The following HMCN2 variants were observed in gnomAD, a reference collection of about 807,000 sequenced individuals.
HMCN2 encodes the protein hemicentin-2.
A neutral mutation model predicts 377.5 loss-of-function variants in HMCN2; 325 were observed. The ratio of observed to expected loss-of-function variants is 0.86; its 90% CI spans 0.79 to 0.94. The LOEUF (loss-of-function observed/expected upper bound fraction) is 0.94. HMCN2 is among the 40% of genes least tolerant of loss of function. HMCN2 has a pLI of 0.00. For missense variants in HMCN2, 4,543 were observed against 4,725.3 expected (o/e 0.96, Z 1.13); for synonymous variants, 2,007 against 2,046.8 (o/e 0.98, Z 0.53).
chr9:130,411,710 G>A (rs4740391), intron 85 of HMCN2, among the ~76,000 whole-genome samples: 131,734 of 151,980 alleles, frequency 0.87, 57,586 homozygotes, highest in East Asian at 1. Context: ...CGGTCACAAA[G>A]AAACAAACAC....
rs376277512 is a variant in HMCN2, at chr9:130,433,605, G to C, written c.15152G>C (p.Gly5051Ala). Residue 5051 changes from glycine to alanine, a missense_variant, in exon 98 of 98, where the codon GGC becomes GCC. By Grantham distance (60) the Gly-to-Ala change is moderately conservative. This residue lies in a region of HMCN2 where 1,155 missense variants were observed against 1,157.7 expected (regional missense o/e 1.00). Coordinates refer to ENST00000683500, the MANE Select transcript of HMCN2 (RefSeq NM_001291815.2). Reference sequence around the variant, plus strand: ...ACCCGTCGCGCGCTCACCCGCGCCGGCCTCTACCGGCTCACCGTGCGTGCT... The same window carrying C: ...ACCCGTCGCGCGCTCACCCGCGCCGCCCTCTACCGGCTCACCGTGCGTGCT... ...VYTRRALTRA[G>A]LYRLTVRAAA... is the part of the protein sequence containing the mutation. 3 of 1,516,310 alleles carry C rather than the reference G, an allele frequency of 2.0e-6. No individual in the cohort carries two copies. Among genetic ancestry groups the C allele is most frequent in the East Asian group, 2.7e-5 (1 of 36,512 alleles). 93.9% of individuals were successfully genotyped at this position (1,516,310 alleles called of 1,614,324 possible).
chr9:130,332,750 G>T (rs1294617783), intron 22 of HMCN2, among the ~76,000 whole-genome samples: 2 of 152,228 alleles, frequency 1.3e-5, no homozygotes, highest in African/African-American at 4.8e-5. Flanking sequence ...AGTTGGGGCA[G>T]TGGTTTCCGG....
intron 25 of HMCN2, among the ~76,000 whole-genome samples, chr9:130,345,170 GTGTA>G (rs1248770573): frequency 2.3e-3 from 347 of 148,554 alleles, no homozygotes; most frequent in Non-Finnish European, 3.3e-3. Flanking sequence ...TGTGTGGTGT[GTGTA>G]TGGTGGTGTG....
At position 130,362,009 on chromosome 9, in the gene HMCN2, G is replaced by A; in HGVS notation, c.5952G>A (p.Val1984=). 2 of 986,086 alleles carry A rather than the reference G, an allele frequency of 2.0e-6. No homozygotes were observed. The highest frequency in any genetic ancestry group is 2.4e-6 in the Non-Finnish European group (2 of 830,114). The allele number at this position is 986,086 out of a possible 1,614,324, so 61.1% of individuals were successfully genotyped here. ...TELRYGLRVN[V]PPRITLPPSL... Reference sequence around the variant, plus strand: ...CCCCATGTCACCCCTGCCCTGCAGTGCCCCCTCGAATCACACTGCCACCCA... The same window carrying A: ...CCCCATGTCACCCCTGCCCTGCAGTACCCCCTCGAATCACACTGCCACCCA... The change falls in exon 39 of 98, where the codon GTG becomes GTA. Residue 1984 remains valine, a splice_region_variant and synonymous_variant. Transcript: ENST00000683500.
chr9:130,363,926 A>AAG (rs34079421), intron 40 of HMCN2, among the ~76,000 whole-genome samples: 116,310 of 146,194 alleles, frequency 0.8, 48,249 homozygotes, highest in East Asian at 0.93. Flanking sequence ...AGAAAGGAAA[A>AAG]AGAGAAGGAA....
rs1255051725 is a variant in HMCN2, at chr9:130,361,823, G to A, written c.5951-185G>A. ...GTTTCCCATCTATAGAAGCCTCATG[G>A]TGGTGTTGAAAGGATGGAAGTAGCA... is the stretch of plus-strand genomic sequence containing the variant. On this transcript the variant is annotated intron_variant, in intron 38 of 97. Transcript: ENST00000683500. This position sits in a 1 kb window ranked among gnomAD's most constrained non-coding sequence, Gnocchi z 4.8. Among the ~76,000 whole-genome samples the A allele has an allele frequency of 6.6e-6, 1 of 152,208 alleles. No homozygotes were observed. Among genetic ancestry groups the A allele is most frequent in the African/African-American group, 2.4e-5 (1 of 41,452 alleles).
At chr9:130,322,691 C>G (rs977169879) in intron 19 of HMCN2, among the ~76,000 whole-genome samples, 46 of 152,244 alleles carry the variant, frequency 3.0e-4, no homozygotes, top group Middle Eastern at 3.4e-3. Context: ...TAGGATAAAC[C>G]CATTAATGTG....
chr9:130,397,606 A>G lies in HMCN2; in HGVS notation c.11277A>G (p.Ala3759=), dbSNP rs1177961163. The G allele has an allele frequency of 1.4e-5, 18 of 1,289,732 alleles. No individual in the cohort carries two copies. Among genetic ancestry groups the G allele is most frequent in the Non-Finnish European group, 1.6e-5 (16 of 988,896 alleles). 79.9% of individuals were successfully genotyped at this position (1,289,732 alleles called of 1,614,324 possible). Residue 3759 remains alanine, a synonymous_variant, in exon 74 of 98, where the codon GCA becomes GCG. Transcript: ENST00000683500. ...ACGCCGGCCACTACCTCTGCCTGGC[A>G]TCCAACTCTGCTGGCTCCGATCGTC... ...AQDAGHYLCL[A]SNSAGSDRQG...
At chr9:130,382,645 GCCA>G in intron 55 of HMCN2, 31 bp from the exon 56 acceptor site, 10 of 775,176 alleles carry the variant, frequency 1.3e-5, no homozygotes, top group Non-Finnish European at 1.6e-5. Context: ...AGGGACCTGT[GCCA>G]GCCCCTCAGC....
In HMCN2 at chr9:130,265,827, A is replaced by G. The variant is rs905031493; in HGVS notation, c.-52A>G. The G allele has an allele frequency of 3.2e-6, 1 of 308,112 alleles. No homozygotes were observed. The highest frequency in any genetic ancestry group is 6.2e-6 in the Non-Finnish European group (1 of 160,468). The allele number at this position is 308,112 out of a possible 1,614,324, so 19.1% of individuals were successfully genotyped here. ...GCCGTGTGCACCGGGGCGGCCGGCTAGCTCCGACCTGCGCCTCCACCGCAG... is the reference window on the plus strand; with the variant it reads ...GCCGTGTGCACCGGGGCGGCCGGCTGGCTCCGACCTGCGCCTCCACCGCAG... On this transcript the variant is annotated 5_prime_UTR_variant, in exon 1 of 98. Transcript: ENST00000683500.
chr9:130,381,528 C>T lies in HMCN2; in HGVS notation c.8432-656C>T, dbSNP rs181711225. 2.6e-4 allele frequency among the ~76,000 whole-genome samples: 39 copies of T among 152,244 alleles called. 1 individual carries two copies. Among genetic ancestry groups the T allele is most frequent in the African/African-American group, 6.7e-4 (28 of 41,554 alleles). On this transcript the variant is annotated intron_variant, in intron 54 of 97. Transcript: ENST00000683500. ...GGATTGCAGGTGTGCACCACCACACCCGGGGAATTTTTGTATTTTTAGTAG... is the reference window on the plus strand; with the variant it reads ...GGATTGCAGGTGTGCACCACCACACTCGGGGAATTTTTGTATTTTTAGTAG...
chr9:130,352,333 C>T (rs919084768), intron 30 of HMCN2, among the ~76,000 whole-genome samples: 1 of 152,218 alleles, frequency 6.6e-6, no homozygotes, highest in Non-Finnish European at 1.5e-5. Flanking sequence ...GGCGTGGACT[C>T]CGCAGAGGGC....
intron 3 of HMCN2, 47 bp downstream of exon 3, chr9:130,285,363 C>T (rs1554927336): frequency 2.1e-6 from 1 of 465,780 alleles, no homozygotes; most frequent in South Asian, 1.6e-5. Context: ...CCCCGGGGGT[C>T]CCGAGGAAGC....
chr9:130,297,041 C>T (rs1025031842), intron 7 of HMCN2, among the ~76,000 whole-genome samples: 16 of 152,216 alleles, frequency 1.1e-4, no homozygotes, highest in African/African-American at 3.1e-4. Context: ...GAACATCCTC[C>T]GTGCCTCCAC....
intron 19 of HMCN2, among the ~76,000 whole-genome samples, chr9:130,325,156 T>G (rs1838068362): frequency 6.6e-6 from 1 of 150,664 alleles, no homozygotes; most frequent in Non-Finnish European, 1.5e-5. Flanking sequence ...AGTACAGTTG[T>G]GCAATCTCTG....
Position 130,396,075 on chromosome 9 carries a change from G to A in HMCN2, c.11053+10G>A. Reference sequence around the variant, plus strand: ...CGCGTGGAGATCCACAGTGAGTAGGGCCCGCCCCACCCCACCCTGCCCACC... The same window carrying A: ...CGCGTGGAGATCCACAGTGAGTAGGACCCGCCCCACCCCACCCTGCCCACC... On this transcript the variant is annotated intron_variant, in intron 72 of 97. Coordinates refer to ENST00000683500, the MANE Select transcript of HMCN2 (RefSeq NM_001291815.2). 1 of 1,243,746 alleles carries A rather than the reference G, an allele frequency of 8.0e-7. No individual in the cohort carries two copies. The highest frequency in any genetic ancestry group is 1.0e-6 in the Non-Finnish European group (1 of 956,720). The allele number at this position is 1,243,746 out of a possible 1,614,324, so 77.0% of individuals were successfully genotyped here.
chr9:130,417,901 C>T (rs79917318), intron 85 of HMCN2, among the ~76,000 whole-genome samples: 75 of 152,274 alleles, frequency 4.9e-4, no homozygotes, highest in Middle Eastern at 6.8e-3. Context: ...CTGCTTGTTC[C>T]GCAGCCTCAC....
Position 130,407,752 on chromosome 9 carries a change from A to C in HMCN2, c.12688+47A>C. 5 of 1,160,186 alleles carry C rather than the reference A, an allele frequency of 4.3e-6. No homozygotes were observed. The South Asian group carries it at 4.8e-5, about 11-fold the overall frequency. 71.9% of individuals were successfully genotyped at this position (1,160,186 alleles called of 1,614,324 possible). ...GCTTCTCTCTCAAGACCTCCAGTCT[A>C]TTGGGACCCAATCTATTGGTTTCCT... On this transcript the variant is annotated intron_variant, in intron 83 of 97. Transcript: ENST00000683500.
chr9:130,427,668 C>A (rs543415216), intron 92 of HMCN2, 49 bp downstream of exon 92: 5 of 1,521,214 alleles, frequency 3.3e-6, no homozygotes, highest in Non-Finnish European at 3.5e-6. Context: ...TCAGACCTGA[C>A]CCAGGTGTGC....
Sources: allele counts gnomAD v4.1 joint callset (sites outside exome capture counted in the v4.1 genomes callset), GRCh38; gene constraint gnomAD v4.1.1; regional missense constraint gnomAD v4.1.1; non-coding constraint Gnocchi (gnomAD v3.1); transcripts MANE v1.5; gene names NCBI Gene and HGNC (gene_info 2026-07-23, HGNC 2026-07-21).